Variants in KIF26B observed in about 807,000 individuals in gnomAD.
KIF26B encodes kinesin family member 26B, also known as kinesin-like protein KIF26B.
A neutral mutation model predicts 151.2 loss-of-function variants in KIF26B; 63 were observed. The observed-to-expected ratio is 0.42, with a 90% confidence interval of 0.34 to 0.51. KIF26B has a LOEUF of 0.51. Ranked by LOEUF, KIF26B falls within the 20% of genes least tolerant of loss-of-function variation. KIF26B has a pLI of 0.07. For synonymous variants in KIF26B, 1,357 were observed against 1,262.1 expected (o/e 1.08, Z -1.59); for missense variants, 2,813 against 2,913.6 (o/e 0.97, Z 0.79).
intron 4 of KIF26B, among the ~76,000 whole-genome samples, chr1:245,450,487 A>G (rs1476736302): frequency 6.6e-6 from 1 of 152,238 alleles, no homozygotes; most frequent in African/African-American, 2.4e-5. Context: ...GAGCCTTTCT[A>G]TAAGGTTTAG....
At chr1:245,691,333 G>C (rs768449991) in intron 12 of KIF26B, among the ~76,000 whole-genome samples, 4 of 152,210 alleles carry the variant, frequency 2.6e-5, no homozygotes, top group Non-Finnish European at 4.4e-5. Flanking sequence ...GGAGCCTCTG[G>C]TTAGGTAAGG....
At chr1:245,534,898 T>A (rs1661455649) in intron 4 of KIF26B, among the ~76,000 whole-genome samples, 1 of 151,672 alleles carries the variant, frequency 6.6e-6, no homozygotes, top group Admixed American at 6.6e-5. Context: ...TTCTCCCACC[T>A]CAGCCACCCG....
chr1:245,161,536 GTA>G (rs1668529553), intron 2 of KIF26B, among the ~76,000 whole-genome samples: 2 of 152,162 alleles, frequency 1.3e-5, no homozygotes, highest in Non-Finnish European at 2.9e-5. Flanking sequence ...ATCACAGATT[GTA>G]CCATGAGTGG....
chr1:245,633,506 T>C (rs188206227), intron 9 of KIF26B, among the ~76,000 whole-genome samples: 98 of 152,244 alleles, frequency 6.4e-4, no homozygotes, highest in African/African-American at 2.2e-3. Flanking sequence ...CCTTTCTCTT[T>C]CTCATTCGTG....
chr1:245,457,271 T>A (rs941362786), intron 4 of KIF26B, among the ~76,000 whole-genome samples: 1 of 152,164 alleles, frequency 6.6e-6, no homozygotes, highest in Non-Finnish European at 1.5e-5. Context: ...TTAGGAGTTA[T>A]AAGAAAAGCT....
intron 2 of KIF26B, among the ~76,000 whole-genome samples, chr1:245,182,931 C>T (rs6429531): frequency 0.96 from 145,980 of 152,322 alleles, 70,255 homozygotes; most frequent in East Asian, 1. Flanking sequence ...CCACCACGCC[C>T]GGCCCCATTG....
chr1:245,163,342 A>G (rs554654540), intron 2 of KIF26B, among the ~76,000 whole-genome samples: 13 of 152,048 alleles, frequency 8.5e-5, no homozygotes, highest in Non-Finnish European at 1.0e-4. Flanking sequence ...GGGTTTCACC[A>G]TGTTGTCCAG....
intron 2 of KIF26B, among the ~76,000 whole-genome samples, chr1:245,272,416 CA>C (rs1196719304): frequency 6.6e-6 from 1 of 151,978 alleles, no homozygotes; most frequent in African/African-American, 2.4e-5. Context: ...AAAAAACAAA[CA>C]AACAAAAAAC....
At chr1:245,641,796 T>C (rs2043894811) in intron 9 of KIF26B, among the ~76,000 whole-genome samples, 1 of 152,214 alleles carries the variant, frequency 6.6e-6, no homozygotes, top group Non-Finnish European at 1.5e-5. Context: ...ATCACATATT[T>C]TCATCACTTT....
At chr1:245,348,829 A>G (rs1405028052) in intron 2 of KIF26B, among the ~76,000 whole-genome samples, 1 of 151,966 alleles carries the variant, frequency 6.6e-6, no homozygotes, top group Non-Finnish European at 1.5e-5. Context: ...CCAGTCCTTC[A>G]TGTCTGCCTG....
chr1:245,566,977 T>C (rs1170208828), intron 5 of KIF26B, among the ~76,000 whole-genome samples: 1 of 152,106 alleles, frequency 6.6e-6, no homozygotes, highest in Non-Finnish European at 1.5e-5. Flanking sequence ...TTCCTTTCTG[T>C]AGCCACTGTG....
Position 245,597,908 on chromosome 1 carries a change from C to T in KIF26B, c.1351-4669C>T, listed in dbSNP as rs573158971. 2.6e-5 allele frequency among the ~76,000 whole-genome samples: 4 copies of T among 152,004 alleles called. No homozygotes were observed. Among genetic ancestry groups the T allele is most frequent in the Non-Finnish European group, 4.4e-5 (3 of 68,002 alleles). ...CTTCAATCTCTGCTATCCTTTCTTC[C>T]GCTTGATCGATTCAGCTATTGATAC... On this transcript the variant is annotated intron_variant, in intron 5 of 14. Transcript: ENST00000407071. This position sits in a 1 kb window ranked among gnomAD's most constrained non-coding sequence, Gnocchi z 4.6.
chr1:245,313,091 A>G (rs1671694825), intron 2 of KIF26B, among the ~76,000 whole-genome samples: 1 of 152,154 alleles, frequency 6.6e-6, no homozygotes, highest in Non-Finnish European at 1.5e-5. Context: ...CCTGGGAGGC[A>G]GAGGTTGCAG....
chr1:245,670,506 TGTA>T (rs10584394), intron 10 of KIF26B, among the ~76,000 whole-genome samples: 5,536 of 149,326 alleles, frequency 0.037, 328 homozygotes, highest in African/African-American at 0.13. Flanking sequence ...TTTTTTGTAT[TGTA>T]GTGAAATAAA....
chr1:245,468,880 C>T (rs947534050), intron 4 of KIF26B, among the ~76,000 whole-genome samples: 7 of 152,162 alleles, frequency 4.6e-5, no homozygotes, highest in African/African-American at 1.7e-4. Flanking sequence ...GGAAATACTT[C>T]TTATTCCTTC....
At chr1:245,474,110 C>CTTTTTTTTTTTTTTTT in intron 4 of KIF26B, among the ~76,000 whole-genome samples, 1 of 111,250 alleles carries the variant, frequency 9.0e-6, no homozygotes, top group Admixed American at 8.9e-5. Flanking sequence ...ACAGTAGGTC[C>CTTTTTTTTTTTTTTTT]TTTTTTTTTT....
chr1:245,425,060 C>T (rs1191214709), intron 4 of KIF26B, among the ~76,000 whole-genome samples: 3 of 144,468 alleles, frequency 2.1e-5, no homozygotes, highest in East Asian at 2.0e-4. Context: ...ACATTTCAAA[C>T]GAGGGCCTTT....
intron 4 of KIF26B, among the ~76,000 whole-genome samples, chr1:245,492,987 G>A (rs1481000849): frequency 6.6e-6 from 1 of 152,058 alleles, no homozygotes; most frequent in African/African-American, 2.4e-5. Flanking sequence ...CATCATGTTG[G>A]CCAGGATGGT....
intron 4 of KIF26B, among the ~76,000 whole-genome samples, chr1:245,426,456 C>T (rs549943013): frequency 6.6e-6 from 1 of 152,190 alleles, no homozygotes; most frequent in African/African-American, 2.4e-5. Context: ...AACTCCTTGC[C>T]GTCGGCCCAA....
Sources: allele counts gnomAD v4.1 joint callset (sites outside exome capture counted in the v4.1 genomes callset), GRCh38; gene constraint gnomAD v4.1.1; non-coding constraint Gnocchi (gnomAD v3.1); transcripts MANE v1.5; gene names NCBI Gene and HGNC (gene_info 2026-07-23, HGNC 2026-07-21).